Variants in CELA2B observed in about 807,000 individuals in gnomAD.
The protein encoded by CELA2B is chymotrypsin-like elastase family member 2B.
Under a neutral mutation model 36.5 loss-of-function variants are expected in CELA2B, and 27 were observed. The ratio of observed to expected loss-of-function variants is 0.74; its 90% CI spans 0.55 to 1.02. The LOEUF (loss-of-function observed/expected upper bound fraction) is 1.02. Ranked by LOEUF, CELA2B falls within the 50% of genes least tolerant of loss-of-function variation. The pLI is 0.00. For missense variants in CELA2B, 340 were observed against 347.8 expected, an observed-to-expected ratio of 0.98 and a Z score of 0.18; for synonymous variants, 143 against 148.5, an observed-to-expected ratio of 0.96 and a Z score of 0.27.
chr1:15,488,554 C>T (rs889388275), intron 7 of CELA2B, among the ~76,000 whole-genome samples: 2 of 152,118 alleles, frequency 1.3e-5, no homozygotes, highest in East Asian at 3.8e-4. Flanking sequence ...GGAGAAGAGG[C>T]GGATACTTTG....
intron 7 of CELA2B, among the ~76,000 whole-genome samples, chr1:15,490,117 G>T (rs1708859784): frequency 1.3e-5 from 2 of 152,054 alleles, no homozygotes; most frequent in Non-Finnish European, 2.9e-5. Flanking sequence ...CAGGTGATCT[G>T]CCCACCTCAG....
At chr1:15,488,235 T>G (rs1708829743) in intron 7 of CELA2B, among the ~76,000 whole-genome samples, 2 of 152,064 alleles carry the variant, frequency 1.3e-5, no homozygotes, top group Admixed American at 6.5e-5. Flanking sequence ...AAGATTTTTT[T>G]TTTTAATTAG....
chr1:15,481,653 T>C (rs1304733248), intron 3 of CELA2B: 2 of 473,022 alleles, frequency 4.2e-6, no homozygotes, highest in East Asian at 6.9e-5. Context: ...AGACAAATTA[T>C]AAAGGCCCAC....
At chr1:15,480,412 TA>T (rs554663897) in intron 2 of CELA2B, among the ~76,000 whole-genome samples, 46 of 152,242 alleles carry the variant, frequency 3.0e-4, no homozygotes, top group South Asian at 1.5e-3. Flanking sequence ...GACGGTGTAT[TA>T]ATCCGTTCTC....
At chr1:15,476,672 A>G (rs1708675638) in intron 2 of CELA2B, 127 bp downstream of exon 2, 1 of 876,692 alleles carries the variant, frequency 1.1e-6, no homozygotes, top group Non-Finnish European at 1.8e-6. Flanking sequence ...AGAGCAGCAC[A>G]GGAAACTTCA....
chr1:15,479,042 A>C (rs999634563), intron 2 of CELA2B, among the ~76,000 whole-genome samples: 7 of 152,178 alleles, frequency 4.6e-5, no homozygotes, highest in African/African-American at 1.4e-4. Context: ...TCTTTTAGCT[A>C]CACTTTGCTG....
chr1:15,485,785 G>A, intron 5 of CELA2B, 116 bp from the exon 6 acceptor site: 3 of 1,266,114 alleles, frequency 2.4e-6, no homozygotes, highest in Admixed American at 1.9e-5. Flanking sequence ...AAACATGGCT[G>A]TTCCCATGTT....
At chr1:15,479,621 A>G (rs557168713) in intron 2 of CELA2B, among the ~76,000 whole-genome samples, 1 of 152,218 alleles carries the variant, frequency 6.6e-6, no homozygotes, top group Non-Finnish European at 1.5e-5. Context: ...GGAAAACGAA[A>G]GATACTATGA....
At chr1:15,491,239 C>T (rs567864935) in intron 7 of CELA2B, 56 bp from the exon 8 acceptor site, 87 of 1,611,778 alleles carry the variant, frequency 5.4e-5, no homozygotes, top group African/African-American at 4.8e-4. Flanking sequence ...GAAACTGCCA[C>T]GCACAGCTCT....
Position 15,487,280 on chromosome 1 carries a change from C to T in CELA2B, c.640-5C>T. The T allele has an allele frequency of 1.9e-6, 3 of 1,614,080 alleles. No homozygotes were observed. The highest frequency in any genetic ancestry group is 2.2e-5 in the South Asian group (2 of 91,080). ...TCAACTCCCTATAACTCTGGCCTTC[C>T]TCAGGGAGACTCCGGTGGGCCGCTG... is the stretch of plus-strand genomic sequence containing the variant. On this transcript the variant is annotated splice_polypyrimidine_tract_variant and splice_region_variant and intron_variant, in intron 6 of 7. Transcript: ENST00000375910.
chr1:15,487,324 G>A lies in CELA2B; in HGVS notation c.679G>A (p.Gly227Ser), dbSNP rs746888667. 2.2e-5 allele frequency: 35 copies of A among 1,614,124 alleles called. No homozygotes were observed. Among genetic ancestry groups the A allele is most frequent in the Admixed American group, 5.0e-5 (3 of 60,014 alleles). Residue 227 changes from glycine (G) to serine (S), a missense_variant, in exon 7 of 8, where the codon GGC becomes AGC. Coordinates refer to ENST00000375910, the MANE Select transcript of CELA2B (RefSeq NM_015849.3). ...GCCGCTGAACTGTCAGGCATCTGACGGCCGGTGGGAGGTGCATGGCATCGG... is the reference window on the plus strand; with the variant it reads ...GCCGCTGAACTGTCAGGCATCTGACAGCCGGTGGGAGGTGCATGGCATCGG... ...GGPLNCQASDGRWEVHGIGSL... is the reference protein window; with the variant it reads ...GGPLNCQASDSRWEVHGIGSL...
At chr1:15,486,838 G>T (rs1490372634) in intron 6 of CELA2B, among the ~76,000 whole-genome samples, 1 of 152,174 alleles carries the variant, frequency 6.6e-6, no homozygotes, top group Non-Finnish European at 1.5e-5. Context: ...AGATCCACAC[G>T]CCCTTCAGAT....
At chr1:15,487,255 TC>T (rs1429001209) in intron 6 of CELA2B, 29 bp from the exon 7 acceptor site, 3 of 1,607,918 alleles carry the variant, frequency 1.9e-6, no homozygotes, top group Non-Finnish European at 2.6e-6. Context: ...TCCTCCCACT[TC>T]AACTCCCTAT....
At chr1:15,485,584 A>T (rs1708794050) in intron 5 of CELA2B, among the ~76,000 whole-genome samples, 1 of 152,250 alleles carries the variant, frequency 6.6e-6, no homozygotes, top group Non-Finnish European at 1.5e-5. Context: ...TCTTCTGCAC[A>T]TAGAAGAAAA....
chr1:15,478,511 G>A lies in CELA2B; in HGVS notation c.129+1966G>A, dbSNP rs376459329. Among the ~76,000 whole-genome samples the A allele has an allele frequency of 1.3e-3, 203 of 150,990 alleles. 2 individuals carry two copies. The highest frequency in any genetic ancestry group is 4.6e-3 in the African/African-American group (187 of 41,006). ...ACCTGCCTCGGCCTCCCAAAGTGCT[G>A]GGATTATAGGTGTGAACCACCACAC... On this transcript the variant is annotated intron_variant, in intron 2 of 7. Transcript: ENST00000375910.
chr1:15,485,410 A>T (rs1708792170), intron 5 of CELA2B, among the ~76,000 whole-genome samples: 4 of 140,140 alleles, frequency 2.9e-5, no homozygotes, highest in African/African-American at 1.1e-4. Context: ...CCATGGAGCT[A>T]GCTCAGCAAA....
intron 5 of CELA2B, 129 bp from the exon 6 acceptor site, chr1:15,485,772 G>A: frequency 8.4e-7 from 1 of 1,189,044 alleles, no homozygotes. Context: ...ACACAGTATA[G>A]ACAAACATGG....
intron 5 of CELA2B, 24 bp downstream of exon 5, chr1:15,483,424 A>G (rs759869086): frequency 1.2e-6 from 2 of 1,613,106 alleles, no homozygotes; most frequent in African/African-American, 1.3e-5. Context: ...AGGAGCCCCC[A>G]GGCCTGGGAG....
rs115476135 is a variant in CELA2B, at chr1:15,481,318, G to A, written c.227+123G>A. 4,236 of 1,159,934 alleles carry A rather than the reference G, an allele frequency of 3.7e-3. 102 individuals carry two copies. The African/African-American group carries it at 0.056, about 15-fold the overall frequency. 71.9% of individuals were successfully genotyped at this position (1,159,934 alleles called of 1,614,324 possible). ...CTTGCAAATAACCACTAGCCTGGCCGAGACACAAGCTGTAGTCAATCAATG... is the reference window on the plus strand; with the variant it reads ...CTTGCAAATAACCACTAGCCTGGCCAAGACACAAGCTGTAGTCAATCAATG... On this transcript the variant is annotated intron_variant, in intron 3 of 7. Coordinates refer to ENST00000375910, the MANE Select transcript of CELA2B (RefSeq NM_015849.3).
Sources: allele counts gnomAD v4.1 joint callset (sites outside exome capture counted in the v4.1 genomes callset), GRCh38; gene constraint gnomAD v4.1.1; transcripts MANE v1.5; gene names NCBI Gene and HGNC (gene_info 2026-07-23, HGNC 2026-07-21).